Variants in SEC62 observed in about 807,000 individuals in gnomAD.
The protein encoded by SEC62 is SEC62 preprotein translocation factor.
Under a neutral mutation model 47.5 loss-of-function variants are expected in SEC62, and 10 were observed. The observed-to-expected ratio is 0.21, with a 90% CI of 0.13 to 0.36. SEC62 has a LOEUF of 0.36. SEC62 is among the 10% of genes least tolerant of loss of function. The pLI is 1.00. For synonymous variants in SEC62, 136 were observed against 150.5 expected (o/e 0.90, Z 0.71); for missense variants, 327 against 464.1 (o/e 0.70, Z 2.71).
chr3:169,975,638 G>T lies in SEC62; in HGVS notation c.67G>T (p.Ala23Ser). ...EVGEPSKEEK[A>S]VAKYLRFNCP... ...TGGTGAACCATCTAAAGAAGAGAAG[G>T]CTGTGGCCAAGTATCTTCGATTCAA... is the stretch of plus-strand genomic sequence containing the variant. The change falls in exon 2 of 8, where the codon GCT becomes TCT. Residue 23 changes from alanine to serine, a missense_variant. Physicochemically the swap from Ala to Ser is moderately conservative, Grantham distance 99. This residue lies in a region of SEC62 where 126 missense variants were observed against 161.2 expected (regional missense o/e 0.78). Coordinates refer to ENST00000337002, the MANE Select transcript of SEC62 (RefSeq NM_003262.4). 9 of 1,613,582 alleles carry T rather than the reference G, an allele frequency of 5.6e-6. No homozygotes were observed. The highest frequency in any genetic ancestry group is 7.6e-6 in the Non-Finnish European group (9 of 1,179,610).
intron 5 of SEC62, chr3:169,983,627 C>G (rs1213416686): frequency 6.4e-6 from 1 of 156,208 alleles, no homozygotes; most frequent in Non-Finnish European, 1.4e-5. Flanking sequence ...GACTGCCAAT[C>G]TTATATCTGC....
intron 2 of SEC62, among the ~76,000 whole-genome samples, chr3:169,976,039 G>A (rs908866239): frequency 1.3e-5 from 2 of 152,164 alleles, no homozygotes; most frequent in Non-Finnish European, 2.9e-5. Context: ...GTCATTATAA[G>A]CTGATGTCAT....
At chr3:169,971,496 C>T (rs1035968447) in intron 1 of SEC62, among the ~76,000 whole-genome samples, 4 of 152,140 alleles carry the variant, frequency 2.6e-5, no homozygotes, top group African/African-American at 9.7e-5. Context: ...TAATAAATTG[C>T]AATACTTTAA....
intron 1 of SEC62, among the ~76,000 whole-genome samples, chr3:169,970,291 A>T (rs115832124): frequency 6.6e-6 from 1 of 152,198 alleles, no homozygotes; most frequent in Admixed American, 6.5e-5. Flanking sequence ...TTCAGATCTT[A>T]TTGTTAAACT....
chr3:169,970,088 TC>T (rs765633097), intron 1 of SEC62, among the ~76,000 whole-genome samples: 1 of 152,194 alleles, frequency 6.6e-6, no homozygotes, highest in Non-Finnish European at 1.5e-5. Flanking sequence ...AGGAAGCCAG[TC>T]CTAAATCAGA....
intron 1 of SEC62, among the ~76,000 whole-genome samples, chr3:169,972,580 C>CTTTTTTTTTT (rs11391826): frequency 1.7e-5 from 2 of 114,960 alleles, no homozygotes; most frequent in African/African-American, 3.3e-5. Context: ...CTTTTTCTAT[C>CTTTTTTTTTT]TTTTTTTTTT....
At chr3:169,979,088 C>A (rs924813342) in intron 3 of SEC62, among the ~76,000 whole-genome samples, 1 of 152,134 alleles carries the variant, frequency 6.6e-6, no homozygotes, top group African/African-American at 2.4e-5. Flanking sequence ...GCTCAAAAGA[C>A]CTGAGTACAG....
chr3:169,988,438 GC>G, intron 7 of SEC62, 79 bp downstream of exon 7: 1 of 1,484,314 alleles, frequency 6.7e-7, no homozygotes. Context: ...CTTCAGTAAA[GC>G]TTAAGAAAAA....
chr3:169,971,394 A>C lies in SEC62; in HGVS notation c.37-4214A>C, dbSNP rs1391741336. On this transcript the variant is annotated intron_variant, in intron 1 of 7. Coordinates refer to ENST00000337002, the MANE Select transcript of SEC62 (RefSeq NM_003262.4). ...GCCTCTCATGGTACTCTTCTACAGC[A>C]ATCTATCTTTCTGGCTTCAACGCCA... 2.0e-5 allele frequency among the ~76,000 whole-genome samples: 3 copies of C among 152,146 alleles called. 1 individual carries two copies. The highest frequency in any genetic ancestry group is 4.4e-5 in the Non-Finnish European group (3 of 68,018).
intron 3 of SEC62, among the ~76,000 whole-genome samples, chr3:169,980,751 C>T (rs187959316): frequency 4.6e-5 from 7 of 152,284 alleles, no homozygotes; most frequent in Admixed American, 2.0e-4. Flanking sequence ...AATGTTGCTT[C>T]GTAGATAGCC....
At chr3:169,966,908 A>C in intron 1 of SEC62, 50 bp downstream of exon 1, 1 of 1,349,976 alleles carries the variant, frequency 7.4e-7, no homozygotes, top group Non-Finnish European at 9.8e-7. Flanking sequence ...TGGATAGTGG[A>C]AGGGGCGGGG....
intron 3 of SEC62, among the ~76,000 whole-genome samples, chr3:169,977,387 T>TG (rs1714861684): frequency 6.6e-6 from 1 of 152,186 alleles, no homozygotes; most frequent in South Asian, 2.1e-4. Flanking sequence ...TCAAAACTTT[T>TG]GCAGGAATTC....
chr3:169,977,140 T>TC, intron 3 of SEC62, 89 bp downstream of exon 3: 6 of 746,272 alleles, frequency 8.0e-6, no homozygotes, highest in Non-Finnish European at 1.1e-5. Flanking sequence ...AATGTAGTGA[T>TC]ACTACAACAT....
rs1468804703 is a variant in SEC62, at chr3:169,996,860, TCTC to T, written c.*3801_*3803del. 1 of 152,160 alleles carries T rather than the reference TCTC, an allele frequency of 6.6e-6. No individual in the cohort carries two copies. The highest frequency in any genetic ancestry group is 1.5e-5 in the Non-Finnish European group (1 of 68,036). The allele number at this position is 152,160 out of a possible 1,614,324, so 9.4% of individuals were successfully genotyped here. On this transcript the variant is annotated 3_prime_UTR_variant, in exon 8 of 8. Coordinates refer to ENST00000337002, the MANE Select transcript of SEC62 (RefSeq NM_003262.4). Reference sequence around the variant, plus strand: ...TTTGGGTAGCCTATACCTATACTTATCTCCTCATAATATCTTCATGTAAAGAAC... The same window carrying T: ...TTTGGGTAGCCTATACCTATACTTATCTCATAATATCTTCATGTAAAGAAC...
chr3:169,982,207 ACAGTGGCACACTG>A (rs1450095073), intron 3 of SEC62, among the ~76,000 whole-genome samples: 2 of 152,222 alleles, frequency 1.3e-5, no homozygotes, highest in Non-Finnish European at 2.9e-5. Flanking sequence ...GATAATCATT[ACAGTGGCACACTG>A]AATTGCGAAG....
intron 1 of SEC62, among the ~76,000 whole-genome samples, chr3:169,969,074 A>T (rs1282186346): frequency 6.6e-6 from 1 of 152,222 alleles, no homozygotes; most frequent in East Asian, 1.9e-4. Flanking sequence ...AACTTACAAA[A>T]AAGATCCTGT....
rs1342674206 is a variant in SEC62 at position 169,993,237 on chromosome 3, T to C, written c.*174T>C. On this transcript the variant is annotated 3_prime_UTR_variant, in exon 8 of 8. Transcript: ENST00000337002. ...TTCATTTTATAGAATATTGGCACTA[T>C]TATTGGTACAGTTTAAAGCCATTAA... The C allele has an allele frequency of 3.4e-6, 2 of 587,710 alleles. No homozygotes were observed. The highest frequency in any genetic ancestry group is 6.0e-6 in the Non-Finnish European group (2 of 335,322). 36.4% of individuals were successfully genotyped at this position (587,710 alleles called of 1,614,324 possible).
At chr3:169,967,120 G>A in intron 1 of SEC62, among the ~76,000 whole-genome samples, 1 of 152,204 alleles carries the variant, frequency 6.6e-6, no homozygotes, top group East Asian at 1.9e-4. Flanking sequence ...ATCCGGCTGC[G>A]GAGGCGCGGC....
intron 1 of SEC62, among the ~76,000 whole-genome samples, chr3:169,971,564 G>C: frequency 6.6e-6 from 1 of 152,068 alleles, no homozygotes; most frequent in East Asian, 1.9e-4. Flanking sequence ...ATCCAAGTCC[G>C]TGTTTTCTGG....
Sources: allele counts gnomAD v4.1 joint callset (sites outside exome capture counted in the v4.1 genomes callset), GRCh38; gene constraint gnomAD v4.1.1; regional missense constraint gnomAD v4.1.1; transcripts MANE v1.5; gene names NCBI Gene and HGNC (gene_info 2026-07-23, HGNC 2026-07-21).